The following ACOXL variants were observed in gnomAD, a reference collection of about 807,000 sequenced individuals.
The protein encoded by ACOXL is acyl-CoA oxidase like, also known as acyl-coenzyme A oxidase-like protein.
In ACOXL, 70 loss-of-function variants were observed where a neutral mutation model predicts 71.9. The ratio of observed to expected loss-of-function variants is 0.97; its 90% CI spans 0.80 to 1.19. ACOXL has a LOEUF of 1.19. Among genes scored for constraint, ACOXL ranks in the 50% most tolerant of loss-of-function variants. The pLI, the probability that ACOXL is intolerant of heterozygous loss-of-function variation, is 0.00. For missense variants in ACOXL, 703 were observed against 736.3 expected, an observed-to-expected ratio of 0.95 and a Z score of 0.52; for synonymous variants, 253 against 281.6, an observed-to-expected ratio of 0.90 and a Z score of 1.02.
chr2:110,983,795 A>G (rs1047594851), intron 12 of ACOXL, among the ~76,000 whole-genome samples: 4 of 152,176 alleles, frequency 2.6e-5, no homozygotes, highest in Non-Finnish European at 4.4e-5. Context: ...TAATGAATAA[A>G]AATTTTTTTG....
chr2:110,984,541 G>A (rs1357008175), intron 12 of ACOXL, among the ~76,000 whole-genome samples: 1 of 152,192 alleles, frequency 6.6e-6, no homozygotes, highest in Non-Finnish European at 1.5e-5. Context: ...CTTGTCCCAT[G>A]ACCTAGAAAA....
At chr2:110,912,481 T>G (rs1211173589) in intron 11 of ACOXL, among the ~76,000 whole-genome samples, 1 of 152,114 alleles carries the variant, frequency 6.6e-6, no homozygotes, top group East Asian at 1.9e-4. Flanking sequence ...GGCCAGTTTA[T>G]TTTTTACAAA....
chr2:110,851,948 G>T (rs968075547), intron 10 of ACOXL, among the ~76,000 whole-genome samples: 2 of 152,224 alleles, frequency 1.3e-5, no homozygotes, highest in Admixed American at 1.3e-4. Flanking sequence ...GTTGAATGTC[G>T]CTGAGTGCAG....
chr2:110,937,720 G>T (rs1332792846), intron 12 of ACOXL, among the ~76,000 whole-genome samples: 1 of 152,156 alleles, frequency 6.6e-6, no homozygotes, highest in African/African-American at 2.4e-5. Context: ...TTTTTGGGTT[G>T]TAGGACTAGG....
chr2:110,915,426 ATATT>A (rs1228050082), intron 11 of ACOXL, among the ~76,000 whole-genome samples: 2 of 80,212 alleles, frequency 2.5e-5, no homozygotes, highest in Admixed American at 1.4e-4. Context: ...ATATATATAT[ATATT>A]TTTTTTTTTT....
chr2:110,886,385 T>C (rs544339614), intron 10 of ACOXL, among the ~76,000 whole-genome samples: 37 of 150,770 alleles, frequency 2.5e-4, no homozygotes, highest in African/African-American at 8.5e-4. Flanking sequence ...TTTTTCTTTT[T>C]TTTTTTTTTT....
chr2:110,957,393 G>T (rs906603641), intron 12 of ACOXL, among the ~76,000 whole-genome samples: 1 of 152,194 alleles, frequency 6.6e-6, no homozygotes, highest in African/African-American at 2.4e-5. Flanking sequence ...AACAGACATG[G>T]TTTGAGCTAA....
chr2:110,909,699 TA>T (rs1367976389), intron 11 of ACOXL, among the ~76,000 whole-genome samples: 1 of 151,274 alleles, frequency 6.6e-6, no homozygotes, highest in African/African-American at 2.4e-5. Context: ...TGCCAGGGTT[TA>T]TAAAAGGATG....
At chr2:110,875,114 C>A (rs1173903769) in intron 10 of ACOXL, among the ~76,000 whole-genome samples, 1 of 152,208 alleles carries the variant, frequency 6.6e-6, no homozygotes, top group Non-Finnish European at 1.5e-5. Context: ...GCACGCAGGC[C>A]AATGACGCAG....
chr2:111,109,499 T>G (rs1238726790), intron 17 of ACOXL, among the ~76,000 whole-genome samples: 1 of 152,134 alleles, frequency 6.6e-6, no homozygotes, highest in Non-Finnish European at 1.5e-5. Flanking sequence ...GTTTTCAAGA[T>G]TATTGATTTT....
At chr2:110,803,100 GA>G (rs1686195622) in intron 8 of ACOXL, among the ~76,000 whole-genome samples, 1 of 152,182 alleles carries the variant, frequency 6.6e-6, no homozygotes, top group South Asian at 2.1e-4. Context: ...GAATTGATAG[GA>G]AATAAAATGG....
intron 12 of ACOXL, among the ~76,000 whole-genome samples, chr2:110,963,329 A>AG (rs397706776): frequency 6.6e-6 from 1 of 152,020 alleles, no homozygotes; most frequent in Non-Finnish European, 1.5e-5. Flanking sequence ...TAAAAAAAAA[A>AG]TCAGTCCACT....
chr2:110,748,355 G>C (rs904798769), intron 1 of ACOXL, among the ~76,000 whole-genome samples: 2 of 152,172 alleles, frequency 1.3e-5, no homozygotes, highest in East Asian at 3.9e-4. Context: ...CAGGATGCAG[G>C]GGGGTGGATT....
intron 11 of ACOXL, among the ~76,000 whole-genome samples, chr2:110,928,176 A>G (rs1355017338): frequency 6.6e-6 from 1 of 152,216 alleles, no homozygotes; most frequent in Non-Finnish European, 1.5e-5. Context: ...TTTACCCAAT[A>G]CCTGTAAGGG....
chr2:110,909,001 A>C, intron 11 of ACOXL, 96 bp downstream of exon 11: 1 of 926,360 alleles, frequency 1.1e-6, no homozygotes, highest in Non-Finnish European at 1.6e-6. Flanking sequence ...TCATTTTCTA[A>C]CTGTGATCAG....
intron 12 of ACOXL, among the ~76,000 whole-genome samples, chr2:110,975,934 T>C (rs1159011539): frequency 1.3e-5 from 2 of 152,110 alleles, no homozygotes; most frequent in African/African-American, 4.8e-5. Context: ...CCATTTTTGA[T>C]GGATAATCAG....
intron 12 of ACOXL, among the ~76,000 whole-genome samples, chr2:110,942,945 AAAGAAAG>A (rs2060923434): frequency 6.7e-6 from 1 of 149,180 alleles, no homozygotes; most frequent in Non-Finnish European, 1.5e-5. Context: ...AAGAAGAAAG[AAAGAAAG>A]AAGAAAGAAA....
chr2:111,104,830 T>C (rs887102346), intron 17 of ACOXL, among the ~76,000 whole-genome samples: 4 of 152,162 alleles, frequency 2.6e-5, no homozygotes, highest in Non-Finnish European at 5.9e-5. Context: ...TTTAATAAAG[T>C]CTAATTTATC....
chr2:111,108,342 T>A (rs1014934849), intron 17 of ACOXL, among the ~76,000 whole-genome samples: 1 of 151,086 alleles, frequency 6.6e-6, no homozygotes, highest in Non-Finnish European at 1.5e-5. Context: ...AAAATAGAGG[T>A]CTATTTATAT....
Sources: gnomAD v4.1 joint callset for allele counts (sites outside exome capture counted in the v4.1 genomes callset) on GRCh38, gnomAD v4.1.1 for gene constraint, MANE v1.5 for transcripts, NCBI Gene and HGNC (gene_info 2026-07-23, HGNC 2026-07-21) for gene names.